PRKCE: variants seen among roughly 807,000 people sequenced by gnomAD.
PRKCE encodes the protein protein kinase C epsilon.
In PRKCE, 16 loss-of-function variants were observed where a neutral mutation model predicts 85.4. The ratio of observed to expected loss-of-function variants is 0.19; its 90% CI spans 0.13 to 0.28. PRKCE has a LOEUF of 0.28. Among genes scored for constraint, PRKCE ranks in the 10% least tolerant of loss-of-function variants. The pLI is 1.00. For synonymous variants in PRKCE, 388 were observed against 371.5 expected, an observed-to-expected ratio of 1.04 and a Z score of -0.51; for missense variants, 573 against 975.2, an observed-to-expected ratio of 0.59 and a Z score of 5.49.
Position 46,139,282 on chromosome 2 carries a change from A to G in PRKCE, c.1593-5811A>G, listed in dbSNP as rs920197620. On this transcript the variant is annotated intron_variant, in intron 11 of 14. Transcript: ENST00000306156. The surrounding 1 kb of genome is among the most constrained non-coding windows in gnomAD (Gnocchi z 5.2). ...CAATTTGAAAAATCCAGGAGAATCA[A>G]CTGGAAAACTGTTACAAAAATAGAG... Among the ~76,000 whole-genome samples the G allele has an allele frequency of 2.6e-5, 4 of 152,242 alleles. No homozygotes were observed. The highest frequency in any genetic ancestry group is 7.2e-5 in the African/African-American group (3 of 41,464).
intron 2 of PRKCE, among the ~76,000 whole-genome samples, chr2:45,950,147 C>G (rs1479084829): frequency 6.6e-6 from 1 of 152,118 alleles, no homozygotes; most frequent in African/African-American, 2.4e-5. Flanking sequence ...GAAAATATGT[C>G]TCTAATTGGC....
intron 1 of PRKCE, among the ~76,000 whole-genome samples, chr2:45,762,766 C>G (rs1029729553): frequency 7.9e-5 from 12 of 152,154 alleles, no homozygotes; most frequent in African/African-American, 2.7e-4. Flanking sequence ...ATCTACCCAG[C>G]AACCTAACGG....
intron 2 of PRKCE, among the ~76,000 whole-genome samples, chr2:45,954,114 G>C (rs893507045): frequency 6.6e-6 from 1 of 152,108 alleles, no homozygotes; most frequent in Non-Finnish European, 1.5e-5. Context: ...AATCTCCTTG[G>C]TCCTGCTCCC....
chr2:45,737,490 G>T (rs1054605520), intron 1 of PRKCE, among the ~76,000 whole-genome samples: 1 of 152,208 alleles, frequency 6.6e-6, no homozygotes, highest in Non-Finnish European at 1.5e-5. Flanking sequence ...GAGACCCGGA[G>T]TGGGGCTGAT....
chr2:45,852,474 A>G (rs1466344542), intron 2 of PRKCE, among the ~76,000 whole-genome samples: 3 of 152,202 alleles, frequency 2.0e-5, no homozygotes, highest in Admixed American at 6.5e-5. Context: ...CTGAGAGTCT[A>G]TTGCCTGCGC....
In PRKCE at chr2:46,186,355, A is replaced by G. The variant is rs1680449337; in HGVS notation, c.*1474A>G. On this transcript the variant is annotated 3_prime_UTR_variant, in exon 15 of 15. Transcript: ENST00000306156. Reference sequence around the variant, plus strand: ...GTGAGTGGCAAAGTGGCACTAATGAAGCTTTTGCCTTTTGTACATTTGAGA... The same window carrying G: ...GTGAGTGGCAAAGTGGCACTAATGAGGCTTTTGCCTTTTGTACATTTGAGA... 6.6e-6 allele frequency: 1 copy of G among 152,598 alleles called. No homozygotes were observed. Among genetic ancestry groups the G allele is most frequent in the South Asian group, 2.1e-4 (1 of 4,818 alleles). 9.5% of individuals were successfully genotyped at this position (152,598 alleles called of 1,614,324 possible). A position where few individuals can be genotyped will look rare whatever the true frequency, so the allele number is the denominator to read the frequency against.
intron 2 of PRKCE, among the ~76,000 whole-genome samples, chr2:45,911,930 C>T (rs559658010): frequency 8.6e-5 from 13 of 151,918 alleles, no homozygotes; most frequent in Non-Finnish European, 1.8e-4. Context: ...GTATGTCAGC[C>T]GCTGCTGCTT....
At chr2:45,853,051 T>C (rs1368024805) in intron 2 of PRKCE, among the ~76,000 whole-genome samples, 2 of 152,210 alleles carry the variant, frequency 1.3e-5, no homozygotes, top group Non-Finnish European at 1.5e-5. Flanking sequence ...TCCTACTTGA[T>C]GGAAAACTAA....
At chr2:45,865,481 C>T (rs959466953) in intron 2 of PRKCE, among the ~76,000 whole-genome samples, 10 of 152,138 alleles carry the variant, frequency 6.6e-5, no homozygotes, top group African/African-American at 1.9e-4. Flanking sequence ...AATGGAGGAT[C>T]GTAGTCTTGA....
chr2:46,095,072 A>C (rs1304926622), intron 11 of PRKCE, among the ~76,000 whole-genome samples: 1 of 152,190 alleles, frequency 6.6e-6, no homozygotes, highest in Non-Finnish European at 1.5e-5. Context: ...AGTTCTAGAA[A>C]ATGTATTACT....
intron 11 of PRKCE, among the ~76,000 whole-genome samples, chr2:46,143,558 G>A (rs1403489646): frequency 2.0e-5 from 3 of 152,088 alleles, no homozygotes; most frequent in Non-Finnish European, 2.9e-5. Flanking sequence ...CACCAGATAA[G>A]GTCACAGACC....
rs1703664291 is a variant in PRKCE at position 45,990,044 on chromosome 2, C to T, written c.823+5364C>T. On this transcript the variant is annotated intron_variant, in intron 6 of 14. Transcript: ENST00000306156. The stretch of plus-strand genomic sequence containing the variant: ...AGTCTATTGCTACATAACAAATGAC[C>T]CCAGGACATAGTGGTGTAAAACAAC... Among the ~76,000 whole-genome samples the T allele has an allele frequency of 2.0e-5, 3 of 152,118 alleles. No individual in the cohort carries two copies. In the South Asian group the frequency reaches 6.2e-4, roughly 32 times the overall value.
At chr2:45,806,256 C>CT (rs1329621629) in intron 1 of PRKCE, among the ~76,000 whole-genome samples, 1 of 152,170 alleles carries the variant, frequency 6.6e-6, no homozygotes, top group Non-Finnish European at 1.5e-5. Flanking sequence ...TGTGAGAAGG[C>CT]TTGTGAGCAG....
At chr2:45,754,839 A>G (rs914347727) in intron 1 of PRKCE, among the ~76,000 whole-genome samples, 1 of 152,204 alleles carries the variant, frequency 6.6e-6, no homozygotes, top group Non-Finnish European at 1.5e-5. Context: ...ATGGACCACA[A>G]TGCGGTGCTA....
At chr2:45,800,185 T>C (rs1687746546) in intron 1 of PRKCE, among the ~76,000 whole-genome samples, 1 of 152,222 alleles carries the variant, frequency 6.6e-6, no homozygotes, top group Non-Finnish European at 1.5e-5. Flanking sequence ...AGCAAAGGCA[T>C]GGAGCAGTAT....
intron 2 of PRKCE, among the ~76,000 whole-genome samples, chr2:45,921,158 G>A (rs1698218744): frequency 6.6e-6 from 1 of 152,250 alleles, no homozygotes; most frequent in Non-Finnish European, 1.5e-5. Context: ...GGAGACTGAA[G>A]AATAAGGGCC....
At chr2:46,007,348 G>A in intron 8 of PRKCE, 114 bp from the exon 9 acceptor site, 2 of 1,029,950 alleles carry the variant, frequency 1.9e-6, no homozygotes, top group Non-Finnish European at 2.9e-6. Context: ...GATCTGTTGT[G>A]AAGAACCAGA....
At chr2:45,724,013 C>G (rs868703835) in intron 1 of PRKCE, among the ~76,000 whole-genome samples, 1 of 152,194 alleles carries the variant, frequency 6.6e-6, no homozygotes, top group Admixed American at 6.5e-5. Flanking sequence ...AGTCTAGAAC[C>G]TCCACTTTTC....
intron 1 of PRKCE, among the ~76,000 whole-genome samples, chr2:45,756,905 T>C (rs1284568201): frequency 4.6e-5 from 7 of 152,208 alleles, no homozygotes; most frequent in Non-Finnish European, 1.5e-5. Flanking sequence ...GATTATGTGA[T>C]GGTTTCACAG....
Sources: allele counts gnomAD v4.1 joint callset (sites outside exome capture counted in the v4.1 genomes callset), GRCh38; gene constraint gnomAD v4.1.1; non-coding constraint Gnocchi (gnomAD v3.1); transcripts MANE v1.5; gene names NCBI Gene and HGNC (gene_info 2026-07-23, HGNC 2026-07-21).